Variants in USP2 observed in about 807,000 individuals in gnomAD.
USP2 encodes the protein ubiquitin carboxyl-terminal hydrolase 2.
Under a neutral mutation model 72.0 loss-of-function variants are expected in USP2, and 33 were observed. The ratio of observed to expected loss-of-function variants is 0.46; its 90% confidence interval spans 0.35 to 0.61. The LOEUF is 0.61. Ranked by LOEUF, USP2 falls within the 20% of genes least tolerant of loss-of-function variation. The pLI is 0.01. For missense variants in USP2, 691 were observed against 797.8 expected, an observed-to-expected ratio of 0.87 and a Z score of 1.61; for synonymous variants, 296 against 312.5, an observed-to-expected ratio of 0.95 and a Z score of 0.56.
At chr11:119,356,971 C>A in intron 12 of USP2, 49 bp from the exon 13 acceptor site, 3 of 1,541,370 alleles carry the variant, frequency 1.9e-6, no homozygotes, top group Non-Finnish European at 2.6e-6. Context: ...ACCGGGAGAC[C>A]CCCCGCCGGC....
At chr11:119,381,442 C>A in intron 1 of USP2, 31 bp downstream of exon 1, 1 of 1,535,472 alleles carries the variant, frequency 6.5e-7, no homozygotes, top group South Asian at 1.2e-5. Context: ...CCCGAATCCC[C>A]CCTCCCGGAT....
rs952421382 is a variant in USP2, at chr11:119,381,542, G to T, written c.-111C>A. ...TGGAGCTGCGGGTGAGTCCCGGCTG[G>T]CGCTGGCGCGGCGCAGTGAGCACCA... On this transcript the variant is annotated 5_prime_UTR_variant, in exon 1 of 13. Coordinates refer to ENST00000260187, the MANE Select transcript of USP2 (RefSeq NM_004205.5). 9.8e-6 allele frequency: 15 copies of T among 1,536,108 alleles called. No individual in the cohort carries two copies. In the Admixed American group the frequency reaches 2.5e-4, roughly 26 times the overall value.
chr11:119,358,317 G>T, intron 7 of USP2, 65 bp from the exon 8 acceptor site: 2 of 1,424,414 alleles, frequency 1.4e-6, no homozygotes, highest in Non-Finnish European at 1.9e-6. Context: ...CTGCACAGCA[G>T]CTTTTATTTT....
intron 2 of USP2, among the ~76,000 whole-genome samples, chr11:119,362,140 G>A (rs1950773723): frequency 6.6e-6 from 1 of 152,160 alleles, no homozygotes; most frequent in African/African-American, 2.4e-5. Flanking sequence ...ACTGGTGACC[G>A]TGTCAATGTT....
rs1463625963 is a variant in USP2, at chr11:119,358,312, C to T, written c.1238-60G>A. 4 of 1,473,322 alleles carry T rather than the reference C, an allele frequency of 2.7e-6. No individual in the cohort carries two copies. The Admixed American group carries it at 5.6e-5, about 21-fold the overall frequency. The allele number at this position is 1,473,322 out of a possible 1,614,324, so 91.3% of individuals were successfully genotyped here. On this transcript the variant is annotated intron_variant, in intron 7 of 12. Transcript: ENST00000260187. ...AGGAAGTAGAGCATGGTCTTCTGCA[C>T]AGCAGCTTTTATTTTTTTTTTTGAG...
At chr11:119,377,906 C>T (rs7927942) in intron 1 of USP2, among the ~76,000 whole-genome samples, 2,861 of 152,254 alleles carry the variant, frequency 0.019, 87 homozygotes, top group African/African-American at 0.065. Context: ...TTCATGGCTT[C>T]TCTCTGCCCA....
rs935941938 is a variant in USP2 at position 119,360,447 on chromosome 11, G to A, written c.775-213C>T. ...CTTTTCTTTTTTTTTTTTTTGAGAC[G>A]GAATCTCACGCTGTCACCCAGGCTG... On this transcript the variant is annotated intron_variant, in intron 2 of 12. Coordinates refer to ENST00000260187, the MANE Select transcript of USP2 (RefSeq NM_004205.5). 3.5e-5 allele frequency: 22 copies of A among 619,926 alleles called. 1 individual carries two copies. Among genetic ancestry groups the A allele is most frequent in the African/African-American group, 1.9e-4 (10 of 53,774 alleles). The allele number at this position is 619,926 out of a possible 1,614,324, so 38.4% of individuals were successfully genotyped here. A position where few individuals can be genotyped will look rare whatever the true frequency, so the allele number is the denominator to read the frequency against.
Position 119,356,921 on chromosome 11 carries a change from C to A in USP2, c.1732G>T (p.Val578Phe). The A allele has an allele frequency of 1.3e-6, 2 of 1,557,726 alleles. No homozygotes were observed. The highest frequency in any genetic ancestry group is 1.2e-5 in the South Asian group (1 of 84,580). ...ACTTGGCTGGAGGACATGGGAGTGA[C>A]GCTGCGGAGAGAGCGGGGAGTCAGC... ...GEWHTFNDSS[V>F]TPMSSSQVRT... Residue 578 changes from valine to phenylalanine, a missense_variant and splice_region_variant, in exon 13 of 13, where the codon GTC becomes TTC. Transcript: ENST00000260187.
In USP2 at chr11:119,364,140, C is replaced by T. The variant is rs1420571128; in HGVS notation, c.775-3906G>A. ...CGTCCGCGGCGCCCGAACGCGCGCT[C>T]CTCCGCCTCAACCTCCCCGGCGTGC... On this transcript the variant is annotated intron_variant, in intron 2 of 12. Transcript: ENST00000260187. The T allele has an allele frequency of 2.5e-6, 3 of 1,217,702 alleles. No homozygotes were observed. The East Asian group carries it at 9.8e-5, about 40-fold the overall frequency. 75.4% of individuals were successfully genotyped at this position (1,217,702 alleles called of 1,614,324 possible).
intron 2 of USP2, among the ~76,000 whole-genome samples, chr11:119,369,351 C>T (rs1235327850): frequency 6.6e-6 from 1 of 151,382 alleles, no homozygotes; most frequent in African/African-American, 2.4e-5. Flanking sequence ...ATTCAAAGTT[C>T]GTGTTGCCTA....
chr11:119,373,857 C>T (rs1950967715), intron 1 of USP2, among the ~76,000 whole-genome samples: 1 of 152,234 alleles, frequency 6.6e-6, no homozygotes, highest in African/African-American at 2.4e-5. Flanking sequence ...CAGGTCAAAT[C>T]CCATTGCCTC....
chr11:119,358,985 A>G (rs1950718292), intron 6 of USP2, 39 bp downstream of exon 6: 2 of 1,608,596 alleles, frequency 1.2e-6, no homozygotes, highest in Non-Finnish European at 1.7e-6. Context: ...TCGAGTTCAC[A>G]AAAGTTTTGC....
rs751554543 is a variant in USP2, at chr11:119,359,341, C to G, written c.951G>C (p.Glu317Asp). Residue 317 changes from glutamate to aspartate, a missense_variant and splice_region_variant, in exon 5 of 13, where the codon GAG becomes GAC. Transcript: ENST00000260187. ...GSNAHTALVE[E>D]FAKLIQTIWT... ...ATATGGTCTGAATTAGTTTTGCAAA[C>G]TCTATTGGAAGGAGAGAGTGTACAG... The G allele has an allele frequency of 6.2e-7, 1 of 1,613,034 alleles. No homozygotes were observed.
In USP2 at chr11:119,357,290, G is replaced by A. The variant is rs1375262170; in HGVS notation, c.1627C>T (p.Leu543=). The A allele has an allele frequency of 6.8e-6, 11 of 1,613,698 alleles. No homozygotes were observed. The highest frequency in any genetic ancestry group is 9.3e-6 in the Non-Finnish European group (11 of 1,179,986). ...CCGGAGTGATTGGACACAGCGTACA[G>A]GTTGTAAACAGCATGGTCTGAGGAG... ...SENTNHAVYN[L]YAVSNHSGTT... is the part of the protein sequence containing the mutation. Residue 543 remains leucine (L), a synonymous_variant, in exon 12 of 13, where the codon CTG becomes TTG. Transcript: ENST00000260187.
intron 1 of USP2, 116 bp from the exon 2 acceptor site, chr11:119,373,637 G>C: frequency 1.9e-6 from 2 of 1,041,340 alleles, no homozygotes; most frequent in Non-Finnish European, 1.3e-6. Context: ...ATTTCCACAA[G>C]AGGCAGGCTG....
chr11:119,369,208 C>G (rs184094209), intron 2 of USP2, among the ~76,000 whole-genome samples: 1 of 152,132 alleles, frequency 6.6e-6, no homozygotes, highest in Non-Finnish European at 1.5e-5. Context: ...CTGAGCTGCG[C>G]CCCCCTGGCC....
At position 119,373,065 on chromosome 11, in the gene USP2, T is replaced by G; in HGVS notation, c.416A>C (p.Lys139Thr). ...AYDQGVTLTQ[K>T]LDSQSDLARD... is the part of the protein sequence containing the mutation. ...GGCCAGGTCTGATTGGCTGTCCAGC[T>G]TCTGGGTTAGGGTCACCCCCTGGTC... Residue 139 changes from lysine (K) to threonine (T), a missense_variant, in exon 2 of 13, where the codon AAG becomes ACG. Coordinates refer to ENST00000260187, the MANE Select transcript of USP2 (RefSeq NM_004205.5). The G allele has an allele frequency of 1.2e-6, 2 of 1,614,004 alleles. No homozygotes were observed. Among genetic ancestry groups the G allele is most frequent in the Non-Finnish European group, 1.7e-6 (2 of 1,180,026 alleles).
intron 2 of USP2, among the ~76,000 whole-genome samples, chr11:119,371,972 TGTC>T (rs763700611): frequency 7.9e-5 from 12 of 152,276 alleles, no homozygotes; most frequent in Admixed American, 1.3e-4. Flanking sequence ...AAAAGGCAGA[TGTC>T]GTCAGTGCCC....
In USP2 at chr11:119,359,671, T is replaced by C; in HGVS notation, c.826-11A>G. On this transcript the variant is annotated splice_polypyrimidine_tract_variant and intron_variant, in intron 3 of 12. Coordinates refer to ENST00000260187, the MANE Select transcript of USP2 (RefSeq NM_004205.5). Reference sequence around the variant, plus strand: ...TGAGTTCATGAAGCACTGCAAGAGATGACCAGGCAATCAGTGGGGAGACGA... The same window carrying C: ...TGAGTTCATGAAGCACTGCAAGAGACGACCAGGCAATCAGTGGGGAGACGA... 6.2e-7 allele frequency: 1 copy of C among 1,612,700 alleles called. No homozygotes were observed. Among genetic ancestry groups the C allele is most frequent in the Non-Finnish European group, 8.5e-7 (1 of 1,179,768 alleles).
Sources: gnomAD v4.1 joint callset for allele counts (sites outside exome capture counted in the v4.1 genomes callset) on GRCh38, gnomAD v4.1.1 for gene constraint, MANE v1.5 for transcripts, NCBI Gene and HGNC (gene_info 2026-07-23, HGNC 2026-07-21) for gene names.